ALS2CL: variants seen among roughly 807,000 people sequenced by gnomAD.
The protein encoded by ALS2CL is ALS2 C-terminal like.
A neutral mutation model predicts 127.9 loss-of-function variants in ALS2CL; 112 were observed. The observed-to-expected ratio is 0.88, with a 90% CI of 0.75 to 1.02. ALS2CL has a LOEUF of 1.02. Among genes scored for constraint, ALS2CL ranks in the 50% least tolerant of loss-of-function variants. The pLI, the probability that ALS2CL is intolerant of heterozygous loss-of-function variation, is 0.00. For synonymous variants in ALS2CL, 519 were observed against 527.6 expected, an observed-to-expected ratio of 0.98 and a Z score of 0.22; for missense variants, 1,174 against 1,236.7, an observed-to-expected ratio of 0.95 and a Z score of 0.76.
Position 46,687,584 on chromosome 3 carries a change from C to T in ALS2CL, c.368+35G>A, listed in dbSNP as rs1699882687. The stretch of plus-strand genomic sequence containing the variant: ...CCCACCCTCACTCAGGCACTCCCAC[C>T]CTGTCAGGGGCCAGTGCACCAGCCC... On this transcript the variant is annotated intron_variant, in intron 4 of 25. Transcript: ENST00000318962. 8 of 1,608,862 alleles carry T rather than the reference C, an allele frequency of 5.0e-6. No homozygotes were observed. The East Asian group carries it at 1.1e-4, about 22-fold the overall frequency.
rs891677215 is a variant in ALS2CL, at chr3:46,672,090, C to G, written c.2534+50G>C. The G allele has an allele frequency of 2.5e-6, 4 of 1,614,002 alleles. No individual in the cohort carries two copies. In the African/African-American group the frequency reaches 5.3e-5, roughly 22 times the overall value. The stretch of plus-strand genomic sequence containing the variant: ...CCCTTGGTTCAGTCCCAACCAGGAG[C>G]ACCCCACACTCTGCCTCCGGACCCC... On this transcript the variant is annotated intron_variant, in intron 23 of 25. Transcript: ENST00000318962.
rs746247404 is a variant in ALS2CL, at chr3:46,671,881, C to T, written c.2684+3G>A. The T allele has an allele frequency of 3.1e-6, 5 of 1,613,418 alleles. No individual in the cohort carries two copies. The highest frequency in any genetic ancestry group is 4.2e-6 in the Non-Finnish European group (5 of 1,179,970). On this transcript the variant is annotated splice_donor_region_variant and intron_variant, in intron 24 of 25. Coordinates refer to ENST00000318962, the MANE Select transcript of ALS2CL (RefSeq NM_147129.5). ...CTGCACCCCCAGCTCCTGACTGCCT[C>T]ACCGGGCGCGCGACACCACGTAGAT...
intron 22 of ALS2CL, 22 bp downstream of exon 22, chr3:46,673,317 G>A (rs1253950014): frequency 6.4e-7 from 1 of 1,556,456 alleles, no homozygotes; most frequent in East Asian, 2.4e-5. Context: ...CCCCTGGCTT[G>A]GGGCTCTGGC....
In ALS2CL at chr3:46,687,641, G is replaced by A; in HGVS notation, c.346C>T (p.Gln116Ter). Reference protein sequence around the residue: ...YTSCMVVQAFQKAAKRRSEYW... With the variant: ...YTSCMVVQAF ...CACCTTCTCCTCTTTGCTGCCTTCT[G>A]GAAGGCCTGCACCACCATGCAGCTT... The change falls in exon 4 of 26, where the codon CAG (glutamine) becomes TAG (stop). Residue 116 changes from glutamine (Q) to a stop codon, truncating the protein, a stop_gained. Transcript: ENST00000318962. LOFTEE classifies it high-confidence loss of function. The A allele has an allele frequency of 6.2e-7, 1 of 1,613,276 alleles. No homozygotes were observed.
In ALS2CL at chr3:46,674,978, TC is replaced by T. The variant is rs140121681; in HGVS notation, c.2256-240del. On this transcript the variant is annotated intron_variant, in intron 20 of 25. Coordinates refer to ENST00000318962, the MANE Select transcript of ALS2CL (RefSeq NM_147129.5). Reference sequence around the variant, plus strand: ...GATGGCAGGTGGGGCAGGAGTTGGATCCCCATTTGACTGAAAGCAAAACCAG... The same window carrying T: ...GATGGCAGGTGGGGCAGGAGTTGGATCCCATTTGACTGAAAGCAAAACCAG... The T allele has an allele frequency of 2.3e-3, 1,002 of 441,980 alleles. 9 individuals carry two copies. Among genetic ancestry groups the T allele is most frequent in the African/African-American group, 0.015 (765 of 50,152 alleles). 27.4% of individuals were successfully genotyped at this position (441,980 alleles called of 1,614,324 possible). A position where few individuals can be genotyped will look rare whatever the true frequency, so the allele number is the denominator to read the frequency against.
intron 6 of ALS2CL, 101 bp from the exon 7 acceptor site, chr3:46,685,745 G>T: frequency 6.8e-7 from 1 of 1,476,162 alleles, no homozygotes; most frequent in East Asian, 2.5e-5. Flanking sequence ...CCTCCCAGAG[G>T]CCCCCTCCAG....
At chr3:46,673,502 G>A (rs1184209475) in intron 21 of ALS2CL, 121 bp from the exon 22 acceptor site, 102 of 1,034,924 alleles carry the variant, frequency 9.9e-5, no homozygotes, top group Non-Finnish European at 1.2e-4. Context: ...AAAGGGGAAG[G>A]AGATCAGCCT....
chr3:46,681,162 AG>A lies in ALS2CL; in HGVS notation c.1436+83del. On this transcript the variant is annotated intron_variant, in intron 13 of 25. Transcript: ENST00000318962. The surrounding 1 kb of genome is among the most constrained non-coding windows in gnomAD (Gnocchi z 4.9). ...AAGAGAGACACAGTGGGGGACAAACAGGAGCCTGTGTCCTGCAACAATCTGG... is the reference window on the plus strand; with the variant it reads ...AAGAGAGACACAGTGGGGGACAAACAGAGCCTGTGTCCTGCAACAATCTGG... 2 of 1,587,474 alleles carry A rather than the reference AG, an allele frequency of 1.3e-6. No homozygotes were observed. Among genetic ancestry groups the A allele is most frequent in the Non-Finnish European group, 8.6e-7 (1 of 1,157,328 alleles).
chr3:46,671,848 C>A (rs755188775), intron 24 of ALS2CL, 36 bp downstream of exon 24: 3 of 1,609,846 alleles, frequency 1.9e-6, no homozygotes. Flanking sequence ...TGGGACCCTG[C>A]CCCTGCCCTG....
At chr3:46,673,199 T>A in intron 22 of ALS2CL, 140 bp downstream of exon 22, 1 of 843,468 alleles carries the variant, frequency 1.2e-6, no homozygotes. Flanking sequence ...GAGGTCAGAA[T>A]GACAGTGTCT....
chr3:46,683,925 G>C, intron 8 of ALS2CL, 64 bp downstream of exon 8: 3 of 1,613,128 alleles, frequency 1.9e-6, no homozygotes, highest in Non-Finnish European at 1.7e-6. Context: ...GTCCCAGGGT[G>C]TGGGCAGGTG....
chr3:46,673,840 G>C (rs1014238433), intron 21 of ALS2CL, among the ~76,000 whole-genome samples: 5 of 152,114 alleles, frequency 3.3e-5, no homozygotes, highest in African/African-American at 1.2e-4. Flanking sequence ...CACCAAGATA[G>C]AGGAAGAAAC....
rs143925967 is a variant in ALS2CL at position 46,689,410 on chromosome 3, G to T, written c.31C>A (p.Arg11=). 3.3e-4 allele frequency: 535 copies of T among 1,611,520 alleles called. No individual in the cohort carries two copies. Among genetic ancestry groups the T allele is most frequent in the Non-Finnish European group, 4.3e-4 (509 of 1,179,424 alleles). The change falls in exon 2 of 26, where the codon CGG becomes AGG. Residue 11 remains arginine, a synonymous_variant. Transcript: ENST00000318962. MCNPEEAALL[R]LEEVFSATLA... Reference sequence around the variant, plus strand: ...GTGGCTGAGAAGACCTCCTCCAGCCGCAGCAGAGCTGCCTCCTCAGGGTTG... The same window carrying T: ...GTGGCTGAGAAGACCTCCTCCAGCCTCAGCAGAGCTGCCTCCTCAGGGTTG...
At position 46,686,460 on chromosome 3, in the gene ALS2CL, C is replaced by A; in HGVS notation, c.535-21G>T. 1 of 1,606,708 alleles carries A rather than the reference C, an allele frequency of 6.2e-7. No homozygotes were observed. The highest frequency in any genetic ancestry group is 1.1e-5 in the South Asian group (1 of 89,712). ...TGATGCTGAAGGGGGACAGGGCAGC[C>A]AGTGAGAGGAGAGCTTACTGGAATC... On this transcript the variant is annotated intron_variant, in intron 5 of 25. Transcript: ENST00000318962. This position sits in a 1 kb window ranked among gnomAD's most constrained non-coding sequence, Gnocchi z 4.3.
At chr3:46,673,692 G>C (rs1051633927) in intron 21 of ALS2CL, among the ~76,000 whole-genome samples, 2 of 152,210 alleles carry the variant, frequency 1.3e-5, no homozygotes, top group Non-Finnish European at 2.9e-5. Context: ...TGTGAGCAGG[G>C]GGATGCAGCC....
At chr3:46,678,211 C>T (rs1224827170) in intron 16 of ALS2CL, 48 bp downstream of exon 16, 1 of 1,497,104 alleles carries the variant, frequency 6.7e-7, no homozygotes, top group Non-Finnish European at 9.0e-7. Context: ...GATGGAAACA[C>T]AGACACATCC....
At chr3:46,679,349 G>T (rs762192953) in intron 14 of ALS2CL, 62 bp from the exon 15 acceptor site, 4 of 1,408,256 alleles carry the variant, frequency 2.8e-6, no homozygotes, top group East Asian at 5.0e-5. Flanking sequence ...GGAAACTCAG[G>T]GTGGAGAGAG....
chr3:46,683,961 T>C lies in ALS2CL; in HGVS notation c.845+28A>G, dbSNP rs149130146. On this transcript the variant is annotated intron_variant, in intron 8 of 25. Coordinates refer to ENST00000318962, the MANE Select transcript of ALS2CL (RefSeq NM_147129.5). The stretch of plus-strand genomic sequence containing the variant: ...TCATGGGGGTAAAGGGAAGAAGGCC[T>C]GGGGTGTCAGCCGAGGGGGTTGCTC... 3.2e-4 allele frequency: 514 copies of C among 1,609,012 alleles called. 1 individual carries two copies. In the East Asian group the frequency reaches 5.9e-3, roughly 19 times the overall value.
At chr3:46,673,927 C>T (rs1698605145) in intron 21 of ALS2CL, among the ~76,000 whole-genome samples, 1 of 152,188 alleles carries the variant, frequency 6.6e-6, no homozygotes, top group African/African-American at 2.4e-5. Context: ...GAGACAGTGC[C>T]CGTGCCCTCT....
Sources: allele counts gnomAD v4.1 joint callset (sites outside exome capture counted in the v4.1 genomes callset), GRCh38; gene constraint gnomAD v4.1.1; non-coding constraint Gnocchi (gnomAD v3.1); transcripts MANE v1.5; gene names NCBI Gene and HGNC (gene_info 2026-07-23, HGNC 2026-07-21).